SNX29: variants seen among roughly 807,000 people sequenced by gnomAD.
The protein encoded by SNX29 is sorting nexin 29.
In SNX29, 78 loss-of-function variants were observed where a neutral mutation model predicts 102.1. The ratio of observed to expected loss-of-function variants is 0.76; its 90% CI spans 0.64 to 0.92. The LOEUF (loss-of-function observed/expected upper bound fraction) is 0.92, where lower values mean the gene tolerates loss of function less well. SNX29 is among the 40% of genes least tolerant of loss of function. The probability of loss-of-function intolerance (pLI) is 0.00; values close to 1 mark genes in which losing one functional copy is unlikely to be tolerated. For synonymous variants in SNX29, 580 were observed against 414.5 expected (o/e 1.40, Z -4.85); for missense variants, 1,280 against 1,061.7 (o/e 1.21, Z -2.86).
chr16:12,511,392 A>G lies in SNX29; in HGVS notation c.2179-13310A>G, dbSNP rs899311344. 9.2e-5 allele frequency among the ~76,000 whole-genome samples: 14 copies of G among 152,040 alleles called. 1 individual carries two copies. The highest frequency in any genetic ancestry group is 7.9e-4 in the Admixed American group (12 of 15,264). On this transcript the variant is annotated intron_variant, in intron 19 of 20. Coordinates refer to ENST00000566228, the MANE Select transcript of SNX29 (RefSeq NM_032167.5). The stretch of plus-strand genomic sequence containing the variant: ...TTGCCAAATGGGGATATTACTGTCT[A>G]TTTCCCAAAGCTGTTGCAGGGGTAT...
At chr16:12,452,861 A>C (rs2086369074) in intron 18 of SNX29, among the ~76,000 whole-genome samples, 1 of 152,120 alleles carries the variant, frequency 6.6e-6, no homozygotes, top group South Asian at 2.1e-4. Context: ...TTGGGTTTTA[A>C]AATAAAATTG....
chr16:12,229,599 G>GTT (rs113574666), intron 14 of SNX29, among the ~76,000 whole-genome samples: 2,572 of 144,990 alleles, frequency 0.018, 95 homozygotes, highest in African/African-American at 0.062. Flanking sequence ...GAATGGTGGG[G>GTT]TTTTTTTTTT....
Position 12,477,771 on chromosome 16 carries a change from A to C in SNX29, c.2090A>C (p.Glu697Ala), listed in dbSNP as rs1168343930. ...TGGAATATTTATCGCCGGTATACAG[A>C]GTTCAGGAGTTTGCACCACAAGTTA... The part of the protein sequence containing the change: ...DEWNIYRRYT[E>A]FRSLHHKLQN... The change falls in exon 19 of 21, where the codon GAG becomes GCG. Residue 697 changes from glutamate to alanine, a missense_variant. Coordinates refer to ENST00000566228, the MANE Select transcript of SNX29 (RefSeq NM_032167.5). The C allele has an allele frequency of 1.9e-6, 3 of 1,613,204 alleles. No homozygotes were observed. Among genetic ancestry groups the C allele is most frequent in the Non-Finnish European group, 2.5e-6 (3 of 1,179,684 alleles).
At chr16:12,530,483 A>C (rs1354330885) in intron 20 of SNX29, among the ~76,000 whole-genome samples, 1 of 152,074 alleles carries the variant, frequency 6.6e-6, no homozygotes, top group Non-Finnish European at 1.5e-5. Context: ...GTAACTGCAG[A>C]AATCATCAAT....
chr16:12,461,265 G>C (rs762423776), intron 18 of SNX29, among the ~76,000 whole-genome samples: 58 of 152,218 alleles, frequency 3.8e-4, no homozygotes, highest in Admixed American at 7.2e-4. Context: ...CTGGTGCCTA[G>C]TAGGTGCTCA....
At chr16:12,371,070 A>G (rs2082664342) in intron 16 of SNX29, among the ~76,000 whole-genome samples, 1 of 152,152 alleles carries the variant, frequency 6.6e-6, no homozygotes, top group Non-Finnish European at 1.5e-5. Context: ...GATTTTGTTG[A>G]TCAGAGTTCA....
At chr16:12,534,302 G>C (rs1272658031) in intron 20 of SNX29, among the ~76,000 whole-genome samples, 2 of 152,230 alleles carry the variant, frequency 1.3e-5, no homozygotes, top group African/African-American at 4.8e-5. Flanking sequence ...TGGGAGACGT[G>C]CTCCTAATGA....
intron 20 of SNX29, 104 bp from the exon 21 acceptor site, chr16:12,568,402 G>C (rs951403732): frequency 1.4e-6 from 2 of 1,470,998 alleles, no homozygotes; most frequent in Non-Finnish European, 1.8e-6. Context: ...AGTCACAGTT[G>C]CCAATCAGAT....
chr16:12,563,176 G>C (rs1051989905), intron 20 of SNX29, among the ~76,000 whole-genome samples: 3 of 143,782 alleles, frequency 2.1e-5, no homozygotes, highest in African/African-American at 8.0e-5. Flanking sequence ...TGGGCTCAGG[G>C]ATGTCACTTC....
intron 16 of SNX29, chr16:12,374,430 A>T (rs1450179450): frequency 6.6e-6 from 1 of 152,054 alleles, no homozygotes; most frequent in African/African-American, 2.4e-5. Flanking sequence ...GCCCAAAGAG[A>T]CGCCTCTGTC....
In SNX29 at chr16:12,568,655, C is replaced by T. The variant is rs2288424; in HGVS notation, c.*26C>T. 5,207 of 1,598,356 alleles carry T rather than the reference C, an allele frequency of 3.3e-3. 137 individuals carry two copies. The Admixed American group carries it at 0.05, about 15-fold the overall frequency. On this transcript the variant is annotated 3_prime_UTR_variant, in exon 21 of 21. Coordinates refer to ENST00000566228, the MANE Select transcript of SNX29 (RefSeq NM_032167.5). ...CCTCGACAAAACCGCAGCCACGGGCCCTGTGCGTGGCACCAGCTGCGTCCA... is the reference window on the plus strand; with the variant it reads ...CCTCGACAAAACCGCAGCCACGGGCTCTGTGCGTGGCACCAGCTGCGTCCA...
In SNX29 at chr16:12,032,261, TA is replaced by T. The variant is rs568462880; in HGVS notation, c.247+4819del. Among the ~76,000 whole-genome samples the T allele has an allele frequency of 1.2e-4, 18 of 150,904 alleles. No individual in the cohort carries two copies. In the East Asian group the frequency reaches 3.5e-3, roughly 29 times the overall value. Reference sequence around the variant, plus strand: ...TGTTGCCCAGTTTGCTGGAGTACAGTAAGTAGCGCTATCTCAGCTCACCACA... The same window carrying T: ...TGTTGCCCAGTTTGCTGGAGTACAGTAGTAGCGCTATCTCAGCTCACCACA... On this transcript the variant is annotated intron_variant, in intron 4 of 20. Transcript: ENST00000566228.
chr16:12,414,141 A>C (rs2084526140), intron 18 of SNX29, among the ~76,000 whole-genome samples: 1 of 152,178 alleles, frequency 6.6e-6, no homozygotes, highest in East Asian at 1.9e-4. Context: ...CACTTTTTTG[A>C]GTATTTGTAA....
intron 18 of SNX29, among the ~76,000 whole-genome samples, chr16:12,447,165 CAAAAAAAAAAAAAAAAA>C (rs59942122): frequency 2.3e-5 from 1 of 43,916 alleles, no homozygotes; most frequent in Admixed American, 4.5e-4. Context: ...GACTCTGTCT[CAAAAAAAAAAAAAAAAA>C]AAAAAAAAAA....
rs79449732 is a variant in SNX29 at position 12,449,054 on chromosome 16, C to T, written c.2038-28665C>T. Among the ~76,000 whole-genome samples, 1,055 of 152,176 alleles carry T rather than the reference C, an allele frequency of 6.9e-3. 9 individuals are homozygous for T. The highest frequency in any genetic ancestry group is 0.011 in the Non-Finnish European group (766 of 68,018). On this transcript the variant is annotated intron_variant, in intron 18 of 20. Coordinates refer to ENST00000566228, the MANE Select transcript of SNX29 (RefSeq NM_032167.5). ...CATGTACTACGCAACCTAATTTCTG[C>T]TGGATATGGTGCCCAAAACTGGGGA... is the stretch of plus-strand genomic sequence containing the variant.
At chr16:12,089,775 T>C (rs924213100) in intron 11 of SNX29, 1 of 334,862 alleles carries the variant, frequency 3.0e-6, no homozygotes, top group Non-Finnish European at 5.7e-6. Flanking sequence ...TCACTTCCTC[T>C]TGCGAAGAGC....
At chr16:12,353,438 C>A (rs747133205) in intron 15 of SNX29, among the ~76,000 whole-genome samples, 12 of 140,254 alleles carry the variant, frequency 8.6e-5, no homozygotes, top group Admixed American at 2.0e-4. Context: ...CTCTTGCCAT[C>A]CTCACAGTGG....
At chr16:12,457,413 T>G (rs960129447) in intron 18 of SNX29, among the ~76,000 whole-genome samples, 11 of 152,294 alleles carry the variant, frequency 7.2e-5, no homozygotes, top group Admixed American at 5.2e-4. Context: ...CTCCCCACTC[T>G]TAGTGATTGG....
intron 13 of SNX29, among the ~76,000 whole-genome samples, chr16:12,194,432 A>C (rs2076719751): frequency 6.6e-6 from 1 of 152,092 alleles, no homozygotes; most frequent in African/African-American, 2.4e-5. Context: ...GAAGAGGGAA[A>C]GTTTTAGTCC....
Sources: gnomAD v4.1 joint callset for allele counts (sites outside exome capture counted in the v4.1 genomes callset) on GRCh38, gnomAD v4.1.1 for gene constraint, MANE v1.5 for transcripts, NCBI Gene and HGNC (gene_info 2026-07-23, HGNC 2026-07-21) for gene names.